The following KNTC1 variants were observed in gnomAD, a reference collection of about 807,000 sequenced individuals.
The protein encoded by KNTC1 is kinetochore-associated protein 1.
In KNTC1, 253 loss-of-function variants were observed where a neutral mutation model predicts 314.4. That is an observed-to-expected ratio of 0.80 (90% CI 0.73 to 0.89). The LOEUF is 0.89. Among genes scored for constraint, KNTC1 ranks in the 40% least tolerant of loss-of-function variants. The pLI is 0.00. For synonymous variants in KNTC1, 901 were observed against 901.4 expected (o/e 1.00, Z 0.01); for missense variants, 2,475 against 2,572.9 (o/e 0.96, Z 0.82).
At chr12:122,620,442 T>C (rs1489809107) in intron 59 of KNTC1, 37 bp from the exon 60 acceptor site, 3 of 1,591,356 alleles carry the variant, frequency 1.9e-6, no homozygotes, top group Non-Finnish European at 2.6e-6. Context: ...CTAGTGAATC[T>C]GCCAGATTAT....
chr12:122,549,457 C>G lies in KNTC1; in HGVS notation c.988-309C>G, dbSNP rs558848599. Among the ~76,000 whole-genome samples the G allele has an allele frequency of 1.2e-3, 178 of 152,024 alleles. 1 individual carries two copies. Among genetic ancestry groups the G allele is most frequent in the Admixed American group, 2.0e-3 (30 of 15,278 alleles). On this transcript the variant is annotated intron_variant, in intron 12 of 63. Coordinates refer to ENST00000333479, the MANE Select transcript of KNTC1 (RefSeq NM_014708.6). The stretch of plus-strand genomic sequence containing the variant: ...CTCCGTCTCCTGGGTTCCAGAGATT[C>G]TTCTGCCTCAGCCTCCCCAGTAGCT...
chr12:122,606,633 G>A (rs1320502356), intron 51 of KNTC1, among the ~76,000 whole-genome samples: 1 of 152,030 alleles, frequency 6.6e-6, no homozygotes, highest in African/African-American at 2.4e-5. Flanking sequence ...TCAGATTCAT[G>A]TGATTAACTT....
At chr12:122,569,935 C>A (rs1964580435) in intron 22 of KNTC1, 111 bp downstream of exon 22, 2 of 891,456 alleles carry the variant, frequency 2.2e-6, no homozygotes, top group African/African-American at 1.7e-5. Flanking sequence ...GTTAAGCTAA[C>A]ACCTGTGTTA....
chr12:122,610,900 C>A lies in KNTC1; in HGVS notation c.5622C>A (p.Thr1874=). 6.2e-7 allele frequency: 1 copy of A among 1,606,370 alleles called. No individual in the cohort carries two copies. Among genetic ancestry groups the A allele is most frequent in the Non-Finnish European group, 8.5e-7 (1 of 1,173,186 alleles). ...TTGTATTTGCAACATCAACTACAAC[C>A]GTAAGCTCTAGAAACTTAATCCAAA... ...MLFVFATSTT[T]TLGMHQLTFA... Residue 1874 remains threonine (T), a splice_region_variant and synonymous_variant, in exon 53 of 64, where the codon ACC becomes ACA. Transcript: ENST00000333479.
intron 43 of KNTC1, among the ~76,000 whole-genome samples, chr12:122,597,017 A>G (rs971467509): frequency 2.0e-5 from 3 of 151,850 alleles, no homozygotes; most frequent in African/African-American, 7.3e-5. Context: ...AATTTTTTCT[A>G]CTTTTTTGAT....
chr12:122,553,950 AAGAG>A (rs974064422), intron 16 of KNTC1, among the ~76,000 whole-genome samples: 3 of 151,748 alleles, frequency 2.0e-5, no homozygotes, highest in African/African-American at 7.3e-5. Context: ...GGGAAGTAAT[AAGAG>A]AGAAAGCCTT....
At chr12:122,571,678 AT>A (rs540788053) in intron 24 of KNTC1, among the ~76,000 whole-genome samples, 17 of 150,022 alleles carry the variant, frequency 1.1e-4, no homozygotes, top group African/African-American at 3.4e-4. Context: ...TATTATTATT[AT>A]TTTTTTTTGA....
chr12:122,593,266 C>CTTTTTTT (rs369511482), intron 42 of KNTC1: 1 of 139,178 alleles, frequency 7.2e-6, no homozygotes, highest in Non-Finnish European at 1.5e-5. Flanking sequence ...TTCTTTTTTT[C>CTTTTTTT]TTTTTTTTTT....
chr12:122,546,601 A>G (rs756293392), intron 9 of KNTC1, 21 bp from the exon 10 acceptor site: 3 of 1,502,510 alleles, frequency 2.0e-6, no homozygotes, highest in Non-Finnish European at 2.7e-6. Context: ...ATCCTGAGAC[A>G]TCTTATTTTC....
chr12:122,606,008 A>G (rs1474531456), intron 51 of KNTC1, among the ~76,000 whole-genome samples: 1 of 151,594 alleles, frequency 6.6e-6, no homozygotes, highest in Admixed American at 6.6e-5. Flanking sequence ...ATGTGTGGCT[A>G]ATGTTTTGTT....
At chr12:122,604,168 CTTT>C (rs1163057379) in intron 48 of KNTC1, among the ~76,000 whole-genome samples, 31 of 100,344 alleles carry the variant, frequency 3.1e-4, no homozygotes, top group African/African-American at 8.3e-4. Context: ...CCCCGGTGGG[CTTT>C]TTTTTTTTTT....
At position 122,605,342 on chromosome 12, in the gene KNTC1, A is replaced by T; in HGVS notation, c.5423A>T (p.Asn1808Ile). The T allele has an allele frequency of 6.2e-7, 1 of 1,605,276 alleles. No individual in the cohort carries two copies. The highest frequency in any genetic ancestry group is 1.7e-5 in the Admixed American group (1 of 58,994). The change falls in exon 51 of 64, where the codon AAT becomes ATT. Residue 1808 changes from asparagine (N) to isoleucine (I), a missense_variant. Asn to Ile is a moderately radical substitution (Grantham distance 149). Transcript: ENST00000333479. ...GCAGCTAAAGAAATAGCCGAAGTCA[A>T]TGAAATTAATTTGGAAAAAGTCTGG... ...HAAAKEIAEV[N>I]EINLEKVWDM...
intron 2 of KNTC1, among the ~76,000 whole-genome samples, chr12:122,531,509 A>C (rs1454256550): frequency 6.6e-6 from 1 of 151,966 alleles, no homozygotes; most frequent in East Asian, 1.9e-4. Flanking sequence ...GTACCGCTTT[A>C]AATGTACCAT....
intron 10 of KNTC1, 91 bp from the exon 11 acceptor site, chr12:122,547,324 G>A (rs1270247817): frequency 3.8e-5 from 27 of 705,768 alleles, no homozygotes; most frequent in Non-Finnish European, 4.9e-5. Flanking sequence ...GCAGTGAGCC[G>A]AGATCGCACC....
At position 122,576,898 on chromosome 12, in the gene KNTC1, G is replaced by A. The variant is rs1439789532; in HGVS notation, c.2590G>A (p.Val864Met). 3 of 1,568,500 alleles carry A rather than the reference G, an allele frequency of 1.9e-6. No homozygotes were observed. Among genetic ancestry groups the A allele is most frequent in the African/African-American group, 2.8e-5 (2 of 72,258 alleles). Residue 864 changes from valine (V) to methionine (M), a missense_variant, in exon 30 of 64, where the codon GTG becomes ATG. Physicochemically the swap from Val to Met is conservative, Grantham distance 21 (BLOSUM62 1). Coordinates refer to ENST00000333479, the MANE Select transcript of KNTC1 (RefSeq NM_014708.6). The part of the protein sequence containing the change: ...VNLLNKEIMR[V>M]VRYILKQDVP... ...ATGTTCATATTGTCTTTTGCAGAGAGTGGTTAGATACATTCTCAAACAAGA... is the reference window on the plus strand; with the variant it reads ...ATGTTCATATTGTCTTTTGCAGAGAATGGTTAGATACATTCTCAAACAAGA...
At chr12:122,559,846 A>G (rs764444071) in intron 18 of KNTC1, among the ~76,000 whole-genome samples, 5 of 152,216 alleles carry the variant, frequency 3.3e-5, no homozygotes, top group African/African-American at 4.8e-5. Context: ...AAGTGCCGCA[A>G]TTATAGGCAT....
intron 61 of KNTC1, 32 bp from the exon 62 acceptor site, chr12:122,622,430 G>T (rs1437469100): frequency 2.0e-6 from 3 of 1,475,984 alleles, no homozygotes; most frequent in Non-Finnish European, 2.8e-6. Context: ...TAGATTAGAA[G>T]TCTGATCTTA....
rs550522658 is a variant in KNTC1, at chr12:122,568,519, G to A, written c.1716+147G>A. On this transcript the variant is annotated intron_variant, in intron 21 of 63. Transcript: ENST00000333479. ...CTTAAAATATGACTTGCTTTTGTTT[G>A]TAAAGGGCAAGGGGATAAAAAAGAC... The A allele has an allele frequency of 7.1e-6, 5 of 701,142 alleles. No individual in the cohort carries two copies. The South Asian group carries it at 8.2e-5, about 11-fold the overall frequency. The allele number at this position is 701,142 out of a possible 1,614,324, so 43.4% of individuals were successfully genotyped here.
At position 122,582,703 on chromosome 12, in the gene KNTC1, A is replaced by G; in HGVS notation, c.2983-2A>G. ...ACTTTGTCTTGCTTACCTTTGCTAC[A>G]GGAGAACTTTGAGGTCTTTCTTTCA... is the stretch of plus-strand genomic sequence containing the variant. On this transcript the variant is annotated splice_acceptor_variant, in intron 33 of 63. Coordinates refer to ENST00000333479, the MANE Select transcript of KNTC1 (RefSeq NM_014708.6). LOFTEE classifies it high-confidence loss of function. 6.3e-7 allele frequency: 1 copy of G among 1,589,576 alleles called. No individual in the cohort carries two copies. Among genetic ancestry groups the G allele is most frequent in the Non-Finnish European group, 8.6e-7 (1 of 1,165,684 alleles).
Sources: allele counts gnomAD v4.1 joint callset (sites outside exome capture counted in the v4.1 genomes callset), GRCh38; gene constraint gnomAD v4.1.1; transcripts MANE v1.5; gene names NCBI Gene and HGNC (gene_info 2026-07-23, HGNC 2026-07-21).